SPATA6: variants seen among roughly 807,000 people sequenced by gnomAD.
SPATA6 encodes spermatogenesis associated 6.
SPATA6 carries 56 observed loss-of-function variants against 65.3 expected under a neutral mutation model. That is an observed-to-expected ratio of 0.86 (90% CI 0.69 to 1.07). The LOEUF is 1.07. Among genes scored for constraint, SPATA6 ranks in the 50% least tolerant of loss-of-function variants. The pLI is 0.00. For missense variants in SPATA6, 590 were observed against 594.8 expected (o/e 0.99, Z 0.08); for synonymous variants, 199 against 213.2 (o/e 0.93, Z 0.58).
intron 12 of SPATA6, among the ~76,000 whole-genome samples, chr1:48,301,564 T>C (rs1644939813): frequency 6.7e-6 from 1 of 150,152 alleles, no homozygotes; most frequent in African/African-American, 2.4e-5. Context: ...AAAACTAGAA[T>C]AGCCAAAGCA....
At chr1:48,428,809 G>GTGTGTGTGTGTGTA (rs144421737) in intron 3 of SPATA6, among the ~76,000 whole-genome samples, 227 of 137,648 alleles carry the variant, frequency 1.6e-3, no homozygotes, top group South Asian at 4.4e-3. Context: ...GTGTGTGTGT[G>GTGTGTGTGTGTGTA]TATATGTATA....
chr1:48,391,434 T>C (rs1183123485), intron 8 of SPATA6, among the ~76,000 whole-genome samples: 2 of 151,782 alleles, frequency 1.3e-5, no homozygotes, highest in East Asian at 1.9e-4. Context: ...TTTCTGGAAA[T>C]AGTATGTATT....
chr1:48,441,464 T>G (rs1655468212), intron 3 of SPATA6, among the ~76,000 whole-genome samples: 1 of 152,100 alleles, frequency 6.6e-6, no homozygotes, highest in Non-Finnish European at 1.5e-5. Context: ...TCCCATACCC[T>G]TATTAAGGAG....
At chr1:48,435,228 T>C (rs558106782) in intron 3 of SPATA6, among the ~76,000 whole-genome samples, 3 of 152,292 alleles carry the variant, frequency 2.0e-5, no homozygotes, top group South Asian at 4.1e-4. Flanking sequence ...CTGGACTCCC[T>C]GGGTCAAGTG....
At chr1:48,436,337 C>G in intron 3 of SPATA6, 6 of 1,612,514 alleles carry the variant, frequency 3.7e-6, no homozygotes, top group Admixed American at 3.3e-5. Context: ...ACTTACTGGA[C>G]AGTTTTCACT....
chr1:48,434,777 C>A (rs1654739951), intron 3 of SPATA6, among the ~76,000 whole-genome samples: 1 of 152,080 alleles, frequency 6.6e-6, no homozygotes, highest in South Asian at 2.1e-4. Flanking sequence ...TCAACAGAAA[C>A]TCTATGAAAT....
chr1:48,303,932 C>T (rs771144187), intron 12 of SPATA6, among the ~76,000 whole-genome samples: 13 of 152,102 alleles, frequency 8.5e-5, no homozygotes, highest in South Asian at 2.1e-4. Flanking sequence ...GAGGTTCATG[C>T]GAACTTCTTC....
intron 11 of SPATA6, among the ~76,000 whole-genome samples, chr1:48,330,620 T>G (rs1350498703): frequency 6.6e-6 from 1 of 152,222 alleles, no homozygotes; most frequent in East Asian, 1.9e-4. Context: ...AGGCAACACC[T>G]GCTAGGCTTT....
chr1:48,343,736 A>G (rs1174450858), intron 11 of SPATA6, among the ~76,000 whole-genome samples: 1 of 152,168 alleles, frequency 6.6e-6, no homozygotes, highest in African/African-American at 2.4e-5. Context: ...TATCATCAAA[A>G]TCTTATGGAA....
the SPATA6 span, among the ~76,000 whole-genome samples, chr1:48,281,937 T>G: frequency 1.3e-5 from 2 of 152,114 alleles, no homozygotes; most frequent in South Asian, 4.1e-4. Context: ...CAAACTATAC[T>G]ACAAGGTTAC....
rs1276078486 is a variant in SPATA6, at chr1:48,295,534, G to C, written c.*3179C>G. 7 of 152,130 alleles carry C rather than the reference G, an allele frequency of 4.6e-5. No homozygotes were observed. 9.4% of individuals were successfully genotyped at this position (152,130 alleles called of 1,614,324 possible). A position where few individuals can be genotyped will look rare whatever the true frequency, so the allele number is the denominator to read the frequency against. ...CATTTATATGAAATGTCCAGAATAG[G>C]CATGGAGACAAAAAGCATATAGTGG... On this transcript the variant is annotated 3_prime_UTR_variant, in exon 13 of 13. Transcript: ENST00000371847.
intron 1 of SPATA6, among the ~76,000 whole-genome samples, chr1:48,463,229 T>G (rs985745102): frequency 6.6e-6 from 1 of 152,130 alleles, no homozygotes; most frequent in Non-Finnish European, 1.5e-5. Context: ...AATAACTATA[T>G]AGTATATCCT....
At chr1:48,393,962 G>T (rs1650320919) in intron 8 of SPATA6, among the ~76,000 whole-genome samples, 1 of 152,002 alleles carries the variant, frequency 6.6e-6, no homozygotes, top group Admixed American at 6.6e-5. Flanking sequence ...AGGGGCTAGG[G>T]CTTCAACATA....
At chr1:48,467,981 C>T (rs1012132326) in intron 1 of SPATA6, among the ~76,000 whole-genome samples, 3 of 152,002 alleles carry the variant, frequency 2.0e-5, no homozygotes, top group Non-Finnish European at 2.9e-5. Flanking sequence ...AAGCATATTT[C>T]CTCAAATAAT....
At chr1:48,336,342 C>T (rs1646059564) in intron 11 of SPATA6, among the ~76,000 whole-genome samples, 1 of 152,038 alleles carries the variant, frequency 6.6e-6, no homozygotes, top group Admixed American at 6.6e-5. Context: ...ATATTCACTG[C>T]AGCACCATTC....
chr1:48,360,089 C>A (rs1224543722), intron 9 of SPATA6, among the ~76,000 whole-genome samples: 1 of 151,912 alleles, frequency 6.6e-6, no homozygotes, highest in Non-Finnish European at 1.5e-5. Flanking sequence ...TCCACATGAA[C>A]CAAATGGTAG....
At chr1:48,366,349 G>C (rs1260711150) in intron 9 of SPATA6, among the ~76,000 whole-genome samples, 9 of 152,126 alleles carry the variant, frequency 5.9e-5, no homozygotes, top group African/African-American at 1.2e-4. Context: ...CTATTGATTG[G>C]AATAGTTTCA....
intron 9 of SPATA6, among the ~76,000 whole-genome samples, chr1:48,375,512 CTGT>C (rs1647786244): frequency 1.3e-5 from 2 of 152,214 alleles, no homozygotes; most frequent in Middle Eastern, 3.4e-3. Context: ...AAACGTTCCT[CTGT>C]TTTGTTTTGT....
At chr1:48,364,740 T>G (rs1646940296) in intron 9 of SPATA6, among the ~76,000 whole-genome samples, 1 of 152,098 alleles carries the variant, frequency 6.6e-6, no homozygotes, top group Non-Finnish European at 1.5e-5. Context: ...TTCACCCATT[T>G]TGTAGGTTGC....
Sources: gnomAD v4.1 joint callset for allele counts (sites outside exome capture counted in the v4.1 genomes callset) on GRCh38, gnomAD v4.1.1 for gene constraint, MANE v1.5 for transcripts, NCBI Gene and HGNC (gene_info 2026-07-23, HGNC 2026-07-21) for gene names.